TBC1D16: variants seen among roughly 807,000 people sequenced by gnomAD.
TBC1D16 encodes CTD-2529O21.1.
A neutral mutation model predicts 74.7 loss-of-function variants in TBC1D16; 58 were observed. The observed-to-expected ratio is 0.78, with a 90% confidence interval of 0.63 to 0.97. The LOEUF (loss-of-function observed/expected upper bound fraction) is 0.97. Ranked by LOEUF, TBC1D16 falls within the 50% of genes least tolerant of loss-of-function variation. The pLI, the probability that TBC1D16 is intolerant of heterozygous loss-of-function variation, is 0.00. For synonymous variants in TBC1D16, 493 were observed against 474.7 expected, an observed-to-expected ratio of 1.04 and a Z score of -0.50; for missense variants, 1,014 against 1,079.5, an observed-to-expected ratio of 0.94 and a Z score of 0.85.
At chr17:79,952,887 G>T (rs766997785) in intron 3 of TBC1D16, 69 bp from the exon 4 acceptor site, 215 of 1,528,142 alleles carry the variant, frequency 1.4e-4, no homozygotes, top group Non-Finnish European at 1.8e-4. Context: ...GGGGACGGGG[G>T]TCATGGGGGA....
At chr17:80,023,086 G>A (rs925958866) in intron 1 of TBC1D16, among the ~76,000 whole-genome samples, 4 of 150,178 alleles carry the variant, frequency 2.7e-5, no homozygotes, top group Non-Finnish European at 5.9e-5. Context: ...TGAGATCCAC[G>A]GTTCTCATAC....
chr17:80,000,009 C>A lies in TBC1D16; in HGVS notation c.779+10151G>T, dbSNP rs1436283280. On this transcript the variant is annotated intron_variant, in intron 3 of 11. Coordinates refer to ENST00000310924, the MANE Select transcript of TBC1D16 (RefSeq NM_019020.4). The surrounding 1 kb of genome is among the most constrained non-coding windows in gnomAD (Gnocchi z 4.1). Reference sequence around the variant, plus strand: ...GGGCCATGAGGAGCAACTGACATGACAGAAACAAGGAGTTTCTCAGGGCCC... The same window carrying A: ...GGGCCATGAGGAGCAACTGACATGAAAGAAACAAGGAGTTTCTCAGGGCCC... Among the ~76,000 whole-genome samples the A allele has an allele frequency of 6.6e-6, 1 of 152,176 alleles. No homozygotes were observed. Among genetic ancestry groups the A allele is most frequent in the Non-Finnish European group, 1.5e-5 (1 of 68,038 alleles).
intron 3 of TBC1D16, among the ~76,000 whole-genome samples, chr17:79,964,451 A>AT (rs1005219470): frequency 2.0e-5 from 3 of 151,906 alleles, no homozygotes; most frequent in African/African-American, 4.8e-5. Context: ...GGTCCAGTTT[A>AT]TTTTTTTTAT....
chr17:79,951,342 G>T, intron 5 of TBC1D16, 108 bp downstream of exon 5: 1 of 1,382,066 alleles, frequency 7.2e-7, no homozygotes, highest in African/African-American at 1.5e-5. Context: ...CACCCCGTAA[G>T]CCCCCGGGGC....
rs537013438 is a variant in TBC1D16, at chr17:79,943,570, AC to A, written c.1908+1337del. 1.4e-4 allele frequency among the ~76,000 whole-genome samples: 8 copies of A among 57,696 alleles called. No homozygotes were observed. In the East Asian group the frequency reaches 4.7e-3, roughly 34 times the overall value. The allele number at this position is 57,696 out of a possible 152,430, so 37.9% of individuals were successfully genotyped here. A position where few individuals can be genotyped will look rare whatever the true frequency, so the allele number is the denominator to read the frequency against. Reference sequence around the variant, plus strand: ...CTCAGCTCATCAGCAGCCCACCCCCACCCCCACCCCGTAATACTACCAAATT... The same window carrying A: ...CTCAGCTCATCAGCAGCCCACCCCCACCCCACCCCGTAATACTACCAAATT... On this transcript the variant is annotated intron_variant, in intron 10 of 11. Transcript: ENST00000310924.
intron 1 of TBC1D16, among the ~76,000 whole-genome samples, chr17:80,021,024 G>A (rs2036264266): frequency 6.7e-6 from 1 of 149,948 alleles, no homozygotes; most frequent in African/African-American, 2.5e-5. Flanking sequence ...AGGCCAAGGC[G>A]GGTGGATCAC....
In TBC1D16 at chr17:79,993,325, C is replaced by T. The variant is rs953251642; in HGVS notation, c.779+16835G>A. On this transcript the variant is annotated intron_variant, in intron 3 of 11. Transcript: ENST00000310924. The surrounding 1 kb of genome is among the most constrained non-coding windows in gnomAD (Gnocchi z 5.1). The stretch of plus-strand genomic sequence containing the variant: ...AGGGCGGAGGTTTCCAGAAGTGTGG[C>T]TGAGTGTCTGTCTGTTCTTGATGGT... 6.6e-6 allele frequency among the ~76,000 whole-genome samples: 1 copy of T among 152,206 alleles called. No homozygotes were observed. Among genetic ancestry groups the T allele is most frequent in the African/African-American group, 2.4e-5 (1 of 41,448 alleles).
rs151222293 is a variant in TBC1D16 at position 79,947,756 on chromosome 17, G to A, written c.1617C>T (p.Pro539=). 7 of 1,613,932 alleles carry A rather than the reference G, an allele frequency of 4.3e-6. No individual in the cohort carries two copies. The highest frequency in any genetic ancestry group is 2.2e-5 in the East Asian group (1 of 44,884). ...YSQGMSDLVA[P]ILAEVLDESD... ...ACTCATCCAGGACCTCGGCCAAGATGGGCGCCACCAGGTCCGACATCCCTT... is the reference window on the plus strand; with the variant it reads ...ACTCATCCAGGACCTCGGCCAAGATAGGCGCCACCAGGTCCGACATCCCTT... Residue 539 remains proline, a synonymous_variant, in exon 9 of 12, where the codon CCC becomes CCT. Coordinates refer to ENST00000310924, the MANE Select transcript of TBC1D16 (RefSeq NM_019020.4).
In TBC1D16 at chr17:79,981,909, GCACACACACACGCA is replaced by G. The variant is rs1008671505; in HGVS notation, c.779+28237_779+28250del. Among the ~76,000 whole-genome samples the G allele has an allele frequency of 2.0e-5, 3 of 152,100 alleles. No homozygotes were observed. Among genetic ancestry groups the G allele is most frequent in the Admixed American group, 1.3e-4 (2 of 15,268 alleles). ...GCGGCCCTCCGGGGCTTCCCTGTGCGCACACACACACGCACACACACACACATGCACATGTATTA... is the reference window on the plus strand; with the variant it reads ...GCGGCCCTCCGGGGCTTCCCTGTGCGCACACACACACATGCACATGTATTA... On this transcript the variant is annotated intron_variant, in intron 3 of 11. Coordinates refer to ENST00000310924, the MANE Select transcript of TBC1D16 (RefSeq NM_019020.4). The surrounding 1 kb of genome is among the most constrained non-coding windows in gnomAD (Gnocchi z 6.9).
At chr17:80,006,472 G>C (rs1291743486) in intron 3 of TBC1D16, among the ~76,000 whole-genome samples, 1 of 151,992 alleles carries the variant, frequency 6.6e-6, no homozygotes, top group Non-Finnish European at 1.5e-5. Context: ...CCTTAGCCAA[G>C]GATCTCCAGT....
chr17:79,945,166 C>T (rs1166345704), intron 9 of TBC1D16, 79 bp from the exon 10 acceptor site: 9 of 1,446,154 alleles, frequency 6.2e-6, no homozygotes, highest in East Asian at 2.5e-5. Context: ...CCCACTGGGG[C>T]CCTTCCCTGG....
intron 3 of TBC1D16, among the ~76,000 whole-genome samples, chr17:79,960,788 A>T: frequency 7.2e-6 from 1 of 138,846 alleles, no homozygotes; most frequent in African/African-American, 2.6e-5. Flanking sequence ...CCAAAAAAAA[A>T]AAAAAAAAAA....
In TBC1D16 at chr17:79,952,757, G is replaced by A. The variant is rs373877415; in HGVS notation, c.841C>T (p.Pro281Ser). 5 of 1,612,156 alleles carry A rather than the reference G, an allele frequency of 3.1e-6. No individual in the cohort carries two copies. The African/African-American group carries it at 4.0e-5, about 13-fold the overall frequency. The change falls in exon 4 of 12, where the codon CCA (proline) becomes TCA (serine). Residue 281 changes from proline (P) to serine (S), a missense_variant. Physicochemically the swap from Pro to Ser is moderately conservative, Grantham distance 74 (BLOSUM62 -1). Coordinates refer to ENST00000310924, the MANE Select transcript of TBC1D16 (RefSeq NM_019020.4). ...FPDSNGLLQT[P>S]RWDEPQRVCA... The stretch of plus-strand genomic sequence containing the variant: ...ACCCGCTGCGGCTCGTCCCAGCGTG[G>A]GGTCTGCAGGAGGCCGTTGCTGTCC...
intron 1 of TBC1D16, among the ~76,000 whole-genome samples, chr17:80,017,237 C>A (rs577300070): frequency 7.9e-5 from 12 of 152,240 alleles, no homozygotes; most frequent in Non-Finnish European, 1.6e-4. Context: ...CCACTCAACT[C>A]GGCCCTTGGA....
chr17:80,012,885 G>C (rs62074524), intron 2 of TBC1D16, among the ~76,000 whole-genome samples: 41,777 of 151,980 alleles, frequency 0.27, 6,018 homozygotes, highest in Middle Eastern at 0.33. Flanking sequence ...AATGAGAAGA[G>C]AGAGTCCAGA....
In TBC1D16 at chr17:80,035,815, C is replaced by G. The variant is rs1219580487; in HGVS notation, c.-83G>C. 1 of 146,722 alleles carries G rather than the reference C, an allele frequency of 6.8e-6. No homozygotes were observed. The allele number at this position is 146,722 out of a possible 1,614,324, so 9.1% of individuals were successfully genotyped here. ...CCCACCCGGGTCCCGCTGCGGGGGC[C>G]GGATTCGCGCCGGCTCCGAGAGCCG... On this transcript the variant is annotated 5_prime_UTR_variant, in exon 1 of 12. Coordinates refer to ENST00000310924, the MANE Select transcript of TBC1D16 (RefSeq NM_019020.4). The surrounding 1 kb of genome is among the most constrained non-coding windows in gnomAD (Gnocchi z 5.3).
At chr17:80,023,152 T>C (rs2143158168) in intron 1 of TBC1D16, among the ~76,000 whole-genome samples, 1 of 150,034 alleles carries the variant, frequency 6.7e-6, no homozygotes, top group South Asian at 2.1e-4. Context: ...TACCGCGAAA[T>C]GGGACAGGCG....
rs112737644 is a variant in TBC1D16, at chr17:80,013,579, G to A, written c.-32C>T. On this transcript the variant is annotated 5_prime_UTR_variant, in exon 2 of 12. In the 5' UTR this introduces an upstream ATG that the reference lacks. Coordinates refer to ENST00000310924, the MANE Select transcript of TBC1D16 (RefSeq NM_019020.4). ...GCAAGTGTTTCCATCCTCCGCATGCGTCGGCCCGGGCAGGGCTCGTCAAGA... is the reference window on the plus strand; with the variant it reads ...GCAAGTGTTTCCATCCTCCGCATGCATCGGCCCGGGCAGGGCTCGTCAAGA... 9.2e-5 allele frequency: 134 copies of A among 1,463,396 alleles called. No homozygotes were observed. The African/African-American group carries it at 1.7e-3, about 18-fold the overall frequency. 90.7% of individuals were successfully genotyped at this position (1,463,396 alleles called of 1,614,324 possible).
rs1276886381 is a variant in TBC1D16 at position 79,979,915 on chromosome 17, C to T, written c.780-27097G>A. Among the ~76,000 whole-genome samples, 1 of 152,054 alleles carries T rather than the reference C, an allele frequency of 6.6e-6. No homozygotes were observed. Among genetic ancestry groups the T allele is most frequent in the Non-Finnish European group, 1.5e-5 (1 of 68,008 alleles). On this transcript the variant is annotated intron_variant, in intron 3 of 11. Transcript: ENST00000310924. This position sits in a 1 kb window ranked among gnomAD's most constrained non-coding sequence, Gnocchi z 4.8. ...GGGCTCTGCGGGCCAGAGCTTGGGGCGCAGGAGGCCAAGGTCCAGGTCCCA... is the reference window on the plus strand; with the variant it reads ...GGGCTCTGCGGGCCAGAGCTTGGGGTGCAGGAGGCCAAGGTCCAGGTCCCA...
Sources: gnomAD v4.1 joint callset for allele counts (sites outside exome capture counted in the v4.1 genomes callset) on GRCh38, gnomAD v4.1.1 for gene constraint, Gnocchi (gnomAD v3.1) non-coding constraint, MANE v1.5 for transcripts, NCBI Gene and HGNC (gene_info 2026-07-23, HGNC 2026-07-21) for gene names.